TRAPPC9: variants seen among roughly 807,000 people sequenced by gnomAD.
TRAPPC9 encodes trafficking protein particle complex subunit 9.
TRAPPC9 carries 83 observed loss-of-function variants against 124.0 expected under a neutral mutation model. That is an observed-to-expected ratio of 0.67 (90% CI 0.56 to 0.80). The LOEUF (loss-of-function observed/expected upper bound fraction) is 0.80, where lower values mean the gene tolerates loss of function less well. Ranked by LOEUF, TRAPPC9 falls within the 30% of genes least tolerant of loss-of-function variation. The pLI is 0.00. For synonymous variants in TRAPPC9, 638 were observed against 617.5 expected (o/e 1.03, Z -0.49); for missense variants, 1,302 against 1,508.3 (o/e 0.86, Z 2.27).
At chr8:140,438,422 G>A (rs1415352433) in intron 3 of TRAPPC9, among the ~76,000 whole-genome samples, 1 of 152,196 alleles carries the variant, frequency 6.6e-6, no homozygotes, top group Non-Finnish European at 1.5e-5. Flanking sequence ...ACACATGGAG[G>A]AGGTTTTGAG....
At chr8:139,799,230 T>C (rs574141248) in intron 21 of TRAPPC9, among the ~76,000 whole-genome samples, 6 of 152,198 alleles carry the variant, frequency 3.9e-5, no homozygotes, top group South Asian at 4.2e-4. Context: ...TTTTTTCTAA[T>C]AGCAGTGAGA....
intron 21 of TRAPPC9, among the ~76,000 whole-genome samples, chr8:139,819,704 G>A (rs969162737): frequency 1.1e-4 from 16 of 152,044 alleles, no homozygotes; most frequent in Non-Finnish European, 2.2e-4. Flanking sequence ...AATCCAAGGA[G>A]AGCTCACACC....
At chr8:139,757,037 T>G (rs1586778072) in intron 21 of TRAPPC9, among the ~76,000 whole-genome samples, 2 of 123,888 alleles carry the variant, frequency 1.6e-5, no homozygotes, top group Admixed American at 7.9e-5. Flanking sequence ...GGACAGCAGG[T>G]CGCAGGAGGA....
chr8:140,157,712 G>A (rs1398811936), intron 17 of TRAPPC9, among the ~76,000 whole-genome samples: 2 of 151,882 alleles, frequency 1.3e-5, no homozygotes, highest in African/African-American at 4.8e-5. Context: ...AAAGGAGGGG[G>A]TTCTTTTTCT....
At chr8:140,077,828 C>T (rs545125123) in intron 17 of TRAPPC9, among the ~76,000 whole-genome samples, 2 of 152,192 alleles carry the variant, frequency 1.3e-5, no homozygotes, top group African/African-American at 4.8e-5. Flanking sequence ...GCTGCAGGAC[C>T]GCAGGGCCAG....
chr8:139,733,283 G>T (rs1817957130), intron 21 of TRAPPC9, among the ~76,000 whole-genome samples: 1 of 152,150 alleles, frequency 6.6e-6, no homozygotes, highest in Middle Eastern at 3.2e-3. Flanking sequence ...GGTGGCTGGA[G>T]CCCCTAGGAA....
Position 139,793,582 on chromosome 8 carries a change from AC to A in TRAPPC9, c.3056-61381del, listed in dbSNP as rs536391589. 1.5e-3 allele frequency among the ~76,000 whole-genome samples: 234 copies of A among 152,270 alleles called. 1 individual carries two copies. The highest frequency in any genetic ancestry group is 5.8e-4 in the East Asian group (3 of 5,152). Reference sequence around the variant, plus strand: ...CCACCATGGACTGAGAGTGCCGAAGACTGGATAGAGACTTAGTCATCTCTGC... The same window carrying A: ...CCACCATGGACTGAGAGTGCCGAAGATGGATAGAGACTTAGTCATCTCTGC... On this transcript the variant is annotated intron_variant, in intron 21 of 22. Transcript: ENST00000438773.
chr8:140,084,565 G>C (rs1844063044), intron 17 of TRAPPC9, among the ~76,000 whole-genome samples: 1 of 152,226 alleles, frequency 6.6e-6, no homozygotes, highest in Non-Finnish European at 1.5e-5. Context: ...ATGGAAATCA[G>C]AATGTATCAC....
chr8:139,982,308 G>A (rs1190799096), intron 19 of TRAPPC9, among the ~76,000 whole-genome samples: 1 of 152,180 alleles, frequency 6.6e-6, no homozygotes, highest in East Asian at 1.9e-4. Flanking sequence ...AAGGCGGGCG[G>A]TGGAGAACAG....
At chr8:140,419,448 A>AAAAAAAAAAAAAAAAAAC (rs1554683879) in intron 5 of TRAPPC9, among the ~76,000 whole-genome samples, 1 of 94,774 alleles carries the variant, frequency 1.1e-5, no homozygotes, top group Non-Finnish European at 2.0e-5. Flanking sequence ...AAAAAAAAAA[A>AAAAAAAAAAAAAAAAAAC]AAAACAAAAC....
intron 21 of TRAPPC9, among the ~76,000 whole-genome samples, chr8:139,751,443 C>A (rs895093328): frequency 2.6e-5 from 4 of 152,202 alleles, no homozygotes; most frequent in African/African-American, 9.7e-5. Context: ...TTGCTCATTT[C>A]TGATTCTTCC....
intron 18 of TRAPPC9, among the ~76,000 whole-genome samples, chr8:140,003,040 T>G (rs1838506737): frequency 6.6e-6 from 1 of 151,860 alleles, no homozygotes. Flanking sequence ...TATCTCTCTG[T>G]GAAAGACACT....
intron 17 of TRAPPC9, among the ~76,000 whole-genome samples, chr8:140,101,536 TTTTTG>T (rs1306247334): frequency 1.5e-5 from 2 of 134,440 alleles, no homozygotes; most frequent in Non-Finnish European, 1.6e-5. Flanking sequence ...GGTTTTCTTT[TTTTTG>T]TTTTTTTTTT....
chr8:139,778,079 A>C (rs1270928735), intron 21 of TRAPPC9, among the ~76,000 whole-genome samples: 2 of 152,210 alleles, frequency 1.3e-5, no homozygotes, highest in Non-Finnish European at 2.9e-5. Context: ...ACCCAAGGCT[A>C]AGGGCAAGAA....
At chr8:139,952,562 T>C (rs1217117666) in intron 19 of TRAPPC9, among the ~76,000 whole-genome samples, 4 of 152,146 alleles carry the variant, frequency 2.6e-5, no homozygotes, top group Non-Finnish European at 5.9e-5. Flanking sequence ...AACAAAGGCC[T>C]GGGCAAAGAG....
At chr8:140,314,641 A>G (rs555738335) in intron 9 of TRAPPC9, among the ~76,000 whole-genome samples, 2 of 152,168 alleles carry the variant, frequency 1.3e-5, no homozygotes, top group Non-Finnish European at 2.9e-5. Context: ...TATTCTGCTA[A>G]TTCCATGAGA....
chr8:139,888,711 A>G (rs979061918), intron 20 of TRAPPC9, among the ~76,000 whole-genome samples: 13 of 152,244 alleles, frequency 8.5e-5, no homozygotes, highest in African/African-American at 3.1e-4. Flanking sequence ...CTCATTACAC[A>G]CACAGCCTAT....
intron 19 of TRAPPC9, among the ~76,000 whole-genome samples, chr8:139,928,025 G>A (rs888985483): frequency 6.6e-6 from 1 of 152,206 alleles, no homozygotes; most frequent in African/African-American, 2.4e-5. Context: ...AATTCCTTGC[G>A]TATAGACACA....
At chr8:139,815,184 A>G (rs771714296) in intron 21 of TRAPPC9, among the ~76,000 whole-genome samples, 4 of 152,064 alleles carry the variant, frequency 2.6e-5, no homozygotes, top group Admixed American at 1.3e-4. Flanking sequence ...GGAAGAGAAA[A>G]AATGCAAGAC....
Sources: gnomAD v4.1 joint callset for allele counts (sites outside exome capture counted in the v4.1 genomes callset) on GRCh38, gnomAD v4.1.1 for gene constraint, MANE v1.5 for transcripts, NCBI Gene and HGNC (gene_info 2026-07-23, HGNC 2026-07-21) for gene names.